NEGR1: variants seen among roughly 807,000 people sequenced by gnomAD.
The protein encoded by NEGR1 is IgLON family member 4.
In NEGR1, 10 loss-of-function variants were observed where a neutral mutation model predicts 40.9. The ratio of observed to expected loss-of-function variants is 0.24; its 90% CI spans 0.15 to 0.42. NEGR1 has a LOEUF of 0.42. Ranked by LOEUF, NEGR1 falls within the 10% of genes least tolerant of loss-of-function variation. The pLI, the probability that NEGR1 is intolerant of heterozygous loss-of-function variation, is 1.00. For synonymous variants in NEGR1, 185 were observed against 166.8 expected (o/e 1.11, Z -0.84); for missense variants, 352 against 438.9 (o/e 0.80, Z 1.77).
At chr1:71,796,859 G>T (rs145994867) in intron 2 of NEGR1, among the ~76,000 whole-genome samples, 1 of 152,278 alleles carries the variant, frequency 6.6e-6, no homozygotes, top group Non-Finnish European at 1.5e-5. Flanking sequence ...AGAGAAGGAA[G>T]TTGGCCTGGA....
intron 6 of NEGR1, among the ~76,000 whole-genome samples, chr1:71,585,711 T>TA (rs1345274810): frequency 1.3e-5 from 2 of 149,760 alleles, no homozygotes; most frequent in African/African-American, 4.9e-5. Flanking sequence ...TTTTTTTTTT[T>TA]ACTCATTACA....
At chr1:71,944,071 C>G (rs1645996460) in intron 1 of NEGR1, among the ~76,000 whole-genome samples, 1 of 152,106 alleles carries the variant, frequency 6.6e-6, no homozygotes, top group African/African-American at 2.4e-5. Flanking sequence ...TCAACTAAAT[C>G]AGCTTGCTTT....
chr1:71,990,096 T>C (rs1004348454), intron 1 of NEGR1, among the ~76,000 whole-genome samples: 1 of 152,184 alleles, frequency 6.6e-6, no homozygotes, highest in African/African-American at 2.4e-5. Context: ...TTATCAACTA[T>C]GAAAATGCAG....
intron 4 of NEGR1, among the ~76,000 whole-genome samples, chr1:71,696,364 ACAGCAGC>A: frequency 1.3e-5 from 2 of 151,836 alleles, no homozygotes; most frequent in East Asian, 3.9e-4. Context: ...GCAAATCTGT[ACAGCAGC>A]TGGGTTTTCA....
At chr1:71,864,312 TGTCC>T in intron 2 of NEGR1, among the ~76,000 whole-genome samples, 1 of 152,166 alleles carries the variant, frequency 6.6e-6, no homozygotes, top group Non-Finnish European at 1.5e-5. Flanking sequence ...AAGGAAGGTT[TGTCC>T]TGCTCCCTGC....
chr1:71,490,605 G>A (rs1015393361), intron 6 of NEGR1, among the ~76,000 whole-genome samples: 3 of 151,962 alleles, frequency 2.0e-5, no homozygotes, highest in Non-Finnish European at 4.4e-5. Flanking sequence ...CTTTACAAAA[G>A]AGCATGTGAC....
At chr1:71,680,281 G>T (rs1652794492) in intron 4 of NEGR1, among the ~76,000 whole-genome samples, 1 of 151,944 alleles carries the variant, frequency 6.6e-6, no homozygotes, top group Admixed American at 6.6e-5. Context: ...TTTAATCAAT[G>T]ACTCCATATC....
intron 4 of NEGR1, among the ~76,000 whole-genome samples, chr1:71,686,990 A>ATG (rs1167211604): frequency 6.6e-6 from 1 of 152,208 alleles, no homozygotes; most frequent in African/African-American, 2.4e-5. Context: ...CCATCCTATT[A>ATG]TGTAAATGTA....
At chr1:71,763,803 G>A (rs903647233) in intron 3 of NEGR1, among the ~76,000 whole-genome samples, 1 of 151,734 alleles carries the variant, frequency 6.6e-6, no homozygotes, top group African/African-American at 2.4e-5. Flanking sequence ...AGGGGAATAG[G>A]GAAGTGAGAA....
chr1:71,536,942 G>T (rs1471257520), intron 6 of NEGR1, among the ~76,000 whole-genome samples: 1 of 151,560 alleles, frequency 6.6e-6, no homozygotes, highest in Non-Finnish European at 1.5e-5. Flanking sequence ...TACATTGTAG[G>T]TAATAGTTGA....
At chr1:71,706,560 G>A (rs1187951758) in intron 3 of NEGR1, among the ~76,000 whole-genome samples, 3 of 107,050 alleles carry the variant, frequency 2.8e-5, no homozygotes, top group Non-Finnish European at 3.9e-5. Flanking sequence ...CACAGTTGCT[G>A]CTCCAAAAAA....
intron 6 of NEGR1, among the ~76,000 whole-genome samples, chr1:71,431,033 C>T (rs574876924): frequency 6.6e-6 from 1 of 151,934 alleles, no homozygotes; most frequent in East Asian, 1.9e-4. Flanking sequence ...AGGCGTGAGC[C>T]ACCGCGCCCG....
At chr1:71,870,539 C>G (rs1250707784) in intron 2 of NEGR1, among the ~76,000 whole-genome samples, 1 of 152,106 alleles carries the variant, frequency 6.6e-6, no homozygotes, top group African/African-American at 2.4e-5. Flanking sequence ...TAAATTTATA[C>G]TTTACTTGCA....
chr1:72,264,810 G>A lies in NEGR1; in HGVS notation c.176+17509C>T, dbSNP rs1290987837. On this transcript the variant is annotated intron_variant, in intron 1 of 6. Transcript: ENST00000357731. ...AATAATCATCATTTAAAATGATAAT[G>A]TTTTATTTCTTCGTAGAAAACTACC... is the stretch of plus-strand genomic sequence containing the variant. Among the ~76,000 whole-genome samples the A allele has an allele frequency of 8.0e-5, 12 of 150,746 alleles. No individual in the cohort carries two copies. In the South Asian group the frequency reaches 2.3e-3, roughly 29 times the overall value.
At chr1:71,901,615 A>C (rs1418674040) in intron 2 of NEGR1, among the ~76,000 whole-genome samples, 1 of 151,564 alleles carries the variant, frequency 6.6e-6, no homozygotes, top group East Asian at 1.9e-4. Context: ...TGACATTGTG[A>C]TACTGATGAG....
intron 2 of NEGR1, among the ~76,000 whole-genome samples, chr1:71,910,562 C>T (rs1386075369): frequency 1.3e-5 from 2 of 152,122 alleles, no homozygotes; most frequent in African/African-American, 2.4e-5. Flanking sequence ...TTTTGTTTTA[C>T]AACTCTGCCT....
intron 1 of NEGR1, among the ~76,000 whole-genome samples, chr1:72,014,140 T>A (rs991526789): frequency 6.6e-6 from 1 of 151,896 alleles, no homozygotes; most frequent in South Asian, 2.1e-4. Context: ...AAATTCTTTA[T>A]CATATAAGTT....
At chr1:71,447,118 G>C (rs1029787581) in intron 6 of NEGR1, among the ~76,000 whole-genome samples, 4 of 152,200 alleles carry the variant, frequency 2.6e-5, no homozygotes, top group Non-Finnish European at 4.4e-5. Context: ...GGGCCTTACT[G>C]TCTGAACTCT....
intron 6 of NEGR1, among the ~76,000 whole-genome samples, chr1:71,537,750 C>G (rs1484520031): frequency 6.6e-6 from 1 of 151,640 alleles, no homozygotes; most frequent in African/African-American, 2.4e-5. Flanking sequence ...GTAGTTTAAC[C>G]AGAAATTACT....
Sources: gnomAD v4.1 joint callset for allele counts (sites outside exome capture counted in the v4.1 genomes callset) on GRCh38, gnomAD v4.1.1 for gene constraint, MANE v1.5 for transcripts, NCBI Gene and HGNC (gene_info 2026-07-23, HGNC 2026-07-21) for gene names.